Variants in TBC1D1 observed in about 807,000 individuals in gnomAD.
TBC1D1 encodes the protein TBC1 (tre-2/USP6, BUB2, cdc16) domain family, member 1.
In TBC1D1, 89 loss-of-function variants were observed where a neutral mutation model predicts 125.6. That is an observed-to-expected ratio of 0.71 (90% CI 0.60 to 0.85). The LOEUF is 0.85. Among genes scored for constraint, TBC1D1 ranks in the 40% least tolerant of loss-of-function variants. The pLI is 0.00. For synonymous variants in TBC1D1, 565 were observed against 564.1 expected, an observed-to-expected ratio of 1.00 and a Z score of -0.02; for missense variants, 1,377 against 1,469.2, an observed-to-expected ratio of 0.94 and a Z score of 1.03.
chr4:37,959,995 A>G lies in TBC1D1; in HGVS notation c.418-54514A>G, dbSNP rs6836957. Among the ~76,000 whole-genome samples the G allele has an allele frequency of 7.6e-3, 1,164 of 152,338 alleles. 13 individuals carry two copies. The highest frequency in any genetic ancestry group is 0.027 in the African/African-American group (1,113 of 41,568). ...GGGTGCTGCTTTAGTAAAAAATGGA[A>G]GACTTGCATTTATTAAAGGTTAGTA... On this transcript the variant is annotated intron_variant, in intron 2 of 19. Coordinates refer to ENST00000261439, the MANE Select transcript of TBC1D1 (RefSeq NM_015173.4).
chr4:38,052,964 C>T (rs905946554), intron 11 of TBC1D1, 142 bp from the exon 13 acceptor site: 15 of 493,316 alleles, frequency 3.0e-5, no homozygotes, highest in African/African-American at 4.0e-5. Context: ...AAATCTCATT[C>T]GTGAACTACT....
At chr4:38,017,703 A>G (rs1379559871) in intron 3 of TBC1D1, among the ~76,000 whole-genome samples, 1 of 152,244 alleles carries the variant, frequency 6.6e-6, no homozygotes, top group Non-Finnish European at 1.5e-5. Context: ...CTAAAGCTGT[A>G]GAAACCAACA....
chr4:37,930,395 C>T (rs554266286), intron 2 of TBC1D1, among the ~76,000 whole-genome samples: 3 of 152,232 alleles, frequency 2.0e-5, no homozygotes, highest in South Asian at 2.1e-4. Flanking sequence ...GATCATGGCT[C>T]ATTGCAGCAT....
intron 12 of TBC1D1, among the ~76,000 whole-genome samples, chr4:38,062,565 G>C (rs1295090606): frequency 1.3e-5 from 2 of 152,064 alleles, no homozygotes; most frequent in African/African-American, 4.8e-5. Flanking sequence ...GATTGTTCAT[G>C]GATTTCTATG....
chr4:38,046,860 C>T (rs1749586842), intron 10 of TBC1D1, among the ~76,000 whole-genome samples: 1 of 152,146 alleles, frequency 6.6e-6, no homozygotes, highest in African/African-American at 2.4e-5. Context: ...CCAGCTTTCC[C>T]TTCTGCTACC....
At chr4:38,013,974 A>G (rs1742065917) in intron 2 of TBC1D1, among the ~76,000 whole-genome samples, 1 of 152,228 alleles carries the variant, frequency 6.6e-6, no homozygotes, top group Non-Finnish European at 1.5e-5. Context: ...TTGAATAAAT[A>G]ATTTATGAGA....
intron 13 of TBC1D1, among the ~76,000 whole-genome samples, chr4:38,093,946 A>G (rs1203643626): frequency 1.3e-5 from 2 of 152,232 alleles, no homozygotes; most frequent in South Asian, 4.1e-4. Flanking sequence ...GAGCTAATCC[A>G]TGTAACTCAG....
chr4:38,126,726 C>T (rs922117504), intron 18 of TBC1D1, among the ~76,000 whole-genome samples: 3 of 152,130 alleles, frequency 2.0e-5, no homozygotes, highest in African/African-American at 4.8e-5. Context: ...GAAATATACG[C>T]ATGATCCCAT....
intron 12 of TBC1D1, among the ~76,000 whole-genome samples, chr4:38,074,133 C>T (rs2152514982): frequency 6.6e-6 from 1 of 152,318 alleles, no homozygotes; most frequent in East Asian, 1.9e-4. Context: ...GCTTGATGCT[C>T]CTGCCCCATC....
rs1418214278 is a variant in TBC1D1, at chr4:37,891,248, G to C, written c.-194G>C. 6.6e-6 allele frequency: 1 copy of C among 152,662 alleles called. No individual in the cohort carries two copies. Among genetic ancestry groups the C allele is most frequent in the African/African-American group, 2.4e-5 (1 of 41,394 alleles). 9.5% of individuals were successfully genotyped at this position (152,662 alleles called of 1,614,324 possible). A position where few individuals can be genotyped will look rare whatever the true frequency, so the allele number is the denominator to read the frequency against. ...CGCGGCGGGAAGAGCGCAGCCAGCC[G>C]GGTGCGATGGACTCCCCGCCCGCCC... On this transcript the variant is annotated 5_prime_UTR_variant, in exon 1 of 20. Transcript: ENST00000261439.
chr4:37,925,093 G>A (rs1296643980), intron 2 of TBC1D1, among the ~76,000 whole-genome samples: 4 of 152,308 alleles, frequency 2.6e-5, no homozygotes, highest in East Asian at 3.9e-4. Flanking sequence ...TCTCCAAGCC[G>A]TGAAGGAACA....
At position 38,021,931 on chromosome 4, in the gene TBC1D1, C is replaced by A. The variant is rs1578306846; in HGVS notation, c.1210+213C>A. Among the ~76,000 whole-genome samples, 3 of 152,170 alleles carry A rather than the reference C, an allele frequency of 2.0e-5. No individual in the cohort carries two copies. The East Asian group carries it at 5.8e-4, about 29-fold the overall frequency. ...ATACAAAGATAAGAACCCAGAACCCCCTTCTGCCACCTCCCTCCAAGGTAT... is the reference window on the plus strand; with the variant it reads ...ATACAAAGATAAGAACCCAGAACCCACTTCTGCCACCTCCCTCCAAGGTAT... On this transcript the variant is annotated intron_variant, in intron 6 of 19. Transcript: ENST00000261439.
intron 12 of TBC1D1, among the ~76,000 whole-genome samples, chr4:38,083,959 A>G (rs933593265): frequency 8.6e-6 from 1 of 115,994 alleles, no homozygotes; most frequent in African/African-American, 4.2e-5. Context: ...TTTTCTTGAG[A>G]CAGAGTCTCG....
chr4:38,110,105 G>A, intron 15 of TBC1D1: 1 of 632,072 alleles, frequency 1.6e-6, no homozygotes, highest in Non-Finnish European at 2.0e-6. Flanking sequence ...TGCTGCAAGA[G>A]ACCTCTGGCC....
At chr4:37,901,026 C>T (rs1169189119) in intron 1 of TBC1D1, among the ~76,000 whole-genome samples, 7 of 149,606 alleles carry the variant, frequency 4.7e-5, no homozygotes, top group Non-Finnish European at 8.9e-5. Context: ...GAGCCACGAT[C>T]GTGCCACTGC....
At chr4:37,960,392 G>A (rs780026717) in intron 2 of TBC1D1, 20 of 1,512,260 alleles carry the variant, frequency 1.3e-5, no homozygotes, top group Admixed American at 1.2e-4. Flanking sequence ...GTGGGACCAC[G>A]GTCTTAGATG....
At chr4:38,110,371 A>G (rs1157988350) in intron 15 of TBC1D1, 4 of 985,208 alleles carry the variant, frequency 4.1e-6, no homozygotes, top group African/African-American at 1.7e-5. Context: ...AAGCCCCCAG[A>G]TGATCCTAAT....
intron 7 of TBC1D1, among the ~76,000 whole-genome samples, chr4:38,033,027 T>C (rs1249829381): frequency 1.3e-5 from 2 of 152,174 alleles, no homozygotes; most frequent in Non-Finnish European, 2.9e-5. Context: ...GTGACTTCTG[T>C]ATGATGTTTA....
chr4:38,128,949 G>A (rs1224615612), intron 18 of TBC1D1, among the ~76,000 whole-genome samples: 1 of 152,170 alleles, frequency 6.6e-6, no homozygotes, highest in African/African-American at 2.4e-5. Context: ...AAAAGAGGAA[G>A]GGTGGCTGTG....
Sources: gnomAD v4.1 joint callset for allele counts (sites outside exome capture counted in the v4.1 genomes callset) on GRCh38, gnomAD v4.1.1 for gene constraint, MANE v1.5 for transcripts, NCBI Gene and HGNC (gene_info 2026-07-23, HGNC 2026-07-21) for gene names.